Variants in FOXO3 observed in about 807,000 individuals in gnomAD.
FOXO3 encodes the protein forkhead box protein O3.
A neutral mutation model predicts 41.9 loss-of-function variants in FOXO3; 4 were observed. The ratio of observed to expected loss-of-function variants is 0.10; its 90% confidence interval spans 0.05 to 0.22. The LOEUF (loss-of-function observed/expected upper bound fraction) is 0.22, where lower values mean the gene tolerates loss of function less well. FOXO3 is among the 10% of genes least tolerant of loss of function. The pLI, the probability that FOXO3 is intolerant of heterozygous loss-of-function variation, is 1.00. For missense variants in FOXO3, 534 were observed against 906.8 expected, an observed-to-expected ratio of 0.59 and a Z score of 5.28; for synonymous variants, 318 against 389.3, an observed-to-expected ratio of 0.82 and a Z score of 2.16.
chr6:108,600,129 G>A (rs1375786787), intron 1 of FOXO3, among the ~76,000 whole-genome samples: 1 of 152,124 alleles, frequency 6.6e-6, no homozygotes, highest in African/African-American at 2.4e-5. Context: ...CTGACCGCGA[G>A]GAAAAAGACT....
At chr6:108,674,342 T>A (rs959163334) in intron 2 of FOXO3, among the ~76,000 whole-genome samples, 3 of 152,230 alleles carry the variant, frequency 2.0e-5, no homozygotes, top group Non-Finnish European at 2.9e-5. Context: ...ATCCATTTAG[T>A]ACTTTCAACT....
At chr6:108,669,345 G>A (rs1779150412) in intron 2 of FOXO3, among the ~76,000 whole-genome samples, 1 of 152,190 alleles carries the variant, frequency 6.6e-6, no homozygotes, top group South Asian at 2.1e-4. Context: ...TGTGATTCTA[G>A]TATGTCTTTA....
intron 2 of FOXO3, among the ~76,000 whole-genome samples, chr6:108,674,201 C>A (rs542736765): frequency 5.3e-5 from 8 of 152,300 alleles, no homozygotes; most frequent in African/African-American, 1.9e-4. Flanking sequence ...CAGACTAACT[C>A]TTGGCAAATA....
At chr6:108,566,852 A>T (rs537381068) in intron 1 of FOXO3, among the ~76,000 whole-genome samples, 2 of 152,354 alleles carry the variant, frequency 1.3e-5, no homozygotes, top group South Asian at 4.1e-4. Context: ...AGACGAGTTG[A>T]TATCAGTGGA....
At chr6:108,599,666 G>GA (rs1260926602) in intron 1 of FOXO3, among the ~76,000 whole-genome samples, 4 of 152,170 alleles carry the variant, frequency 2.6e-5, no homozygotes, top group East Asian at 3.9e-4. Context: ...TCTCCTTTAA[G>GA]AAAAAATCTT....
At chr6:108,592,678 T>C (rs1431005374) in intron 1 of FOXO3, among the ~76,000 whole-genome samples, 1 of 152,214 alleles carries the variant, frequency 6.6e-6, no homozygotes, top group Non-Finnish European at 1.5e-5. Flanking sequence ...CCTCAGATCA[T>C]TGTACCATGC....
At chr6:108,589,736 A>C (rs1478328062) in intron 1 of FOXO3, among the ~76,000 whole-genome samples, 2 of 152,236 alleles carry the variant, frequency 1.3e-5, no homozygotes, top group African/African-American at 4.8e-5. Context: ...TGCCTTCTTC[A>C]GATCCTTATG....
chr6:108,655,484 AGAC>A (rs1270420872), intron 1 of FOXO3, among the ~76,000 whole-genome samples: 1 of 152,178 alleles, frequency 6.6e-6, no homozygotes, highest in Non-Finnish European at 1.5e-5. Flanking sequence ...TAAGGAGGAA[AGAC>A]CATTGGTTCT....
intron 1 of FOXO3, among the ~76,000 whole-genome samples, chr6:108,603,705 T>C (rs1177025544): frequency 2.6e-5 from 4 of 152,042 alleles, no homozygotes; most frequent in Non-Finnish European, 5.9e-5. Context: ...AGGGAATCAT[T>C]GTTGGGGTTT....
chr6:108,595,389 G>A lies in FOXO3; in HGVS notation c.621+33560G>A, dbSNP rs140900391. 5.3e-5 allele frequency among the ~76,000 whole-genome samples: 8 copies of A among 152,228 alleles called. No individual in the cohort carries two copies. In the East Asian group the frequency reaches 1.5e-3, roughly 29 times the overall value. On this transcript the variant is annotated intron_variant, in intron 1 of 2. Coordinates refer to ENST00000406360, the MANE Select transcript of FOXO3 (RefSeq NM_001455.4). Reference sequence around the variant, plus strand: ...TAGTGATACATAGAAAAAGTTTGGGGCTTATGATATTGAATTCATTTCCCA... The same window carrying A: ...TAGTGATACATAGAAAAAGTTTGGGACTTATGATATTGAATTCATTTCCCA...
intron 1 of FOXO3, among the ~76,000 whole-genome samples, chr6:108,633,335 ATG>A (rs1242417503): frequency 6.6e-6 from 1 of 151,754 alleles, no homozygotes; most frequent in Non-Finnish European, 1.5e-5. Flanking sequence ...GTGTGTGTGT[ATG>A]TGTGTGTGTT....
At chr6:108,581,105 CTTT>C (rs1277851339) in intron 1 of FOXO3, among the ~76,000 whole-genome samples, 1 of 152,224 alleles carries the variant, frequency 6.6e-6, no homozygotes, top group Non-Finnish European at 1.5e-5. Context: ...TGTATATCAT[CTTT>C]TGTTGAACAG....
intron 2 of FOXO3, among the ~76,000 whole-genome samples, chr6:108,666,813 A>G (rs1779075554): frequency 6.6e-6 from 1 of 152,156 alleles, no homozygotes; most frequent in Non-Finnish European, 1.5e-5. Context: ...TAAGATGAAC[A>G]CTGGGATCTT....
At chr6:108,638,211 G>A (rs1437517902) in intron 1 of FOXO3, among the ~76,000 whole-genome samples, 1 of 152,186 alleles carries the variant, frequency 6.6e-6, no homozygotes, top group South Asian at 2.1e-4. Flanking sequence ...ATTTTCAGAT[G>A]CAGTCCTAAG....
At chr6:108,608,055 G>C (rs1009068752) in intron 1 of FOXO3, among the ~76,000 whole-genome samples, 1 of 152,150 alleles carries the variant, frequency 6.6e-6, no homozygotes, top group Non-Finnish European at 1.5e-5. Context: ...CAAGGACCTT[G>C]GGATCATATA....
At chr6:108,638,950 G>A (rs184270805) in intron 1 of FOXO3, among the ~76,000 whole-genome samples, 5 of 152,266 alleles carry the variant, frequency 3.3e-5, no homozygotes, top group African/African-American at 9.6e-5. Context: ...AATGGTGTTC[G>A]GGGTGTCCTT....
intron 1 of FOXO3, among the ~76,000 whole-genome samples, chr6:108,570,023 A>C (rs1247499700): frequency 1.3e-5 from 1 of 76,590 alleles, no homozygotes; most frequent in African/African-American, 5.4e-5. Flanking sequence ...TTTTTGAGAC[A>C]GAATCTCGCT....
At chr6:108,644,218 G>A (rs1778335448) in intron 1 of FOXO3, among the ~76,000 whole-genome samples, 1 of 152,140 alleles carries the variant, frequency 6.6e-6, no homozygotes, top group Admixed American at 6.5e-5. Context: ...GCAGGTTTCT[G>A]CAAGCTTCAG....
At chr6:108,647,950 TAAAGCTACTAAA>T (rs1399637652) in intron 1 of FOXO3, among the ~76,000 whole-genome samples, 5 of 152,176 alleles carry the variant, frequency 3.3e-5, no homozygotes, top group Admixed American at 3.3e-4. Context: ...CACAGAGATC[TAAAGCTACTAAA>T]TACTGTCAGA....
Sources: gnomAD v4.1 joint callset for allele counts (sites outside exome capture counted in the v4.1 genomes callset) on GRCh38, gnomAD v4.1.1 for gene constraint, MANE v1.5 for transcripts, NCBI Gene and HGNC (gene_info 2026-07-23, HGNC 2026-07-21) for gene names.